The following IRF1 variants were observed in gnomAD, a reference collection of about 807,000 sequenced individuals.
The protein encoded by IRF1 is interferon regulatory factor-1.
A neutral mutation model predicts 43.7 loss-of-function variants in IRF1; 13 were observed. That is an observed-to-expected ratio of 0.30 (90% CI 0.19 to 0.47). The LOEUF (loss-of-function observed/expected upper bound fraction) is 0.47. Among genes scored for constraint, IRF1 ranks in the 20% least tolerant of loss-of-function variants. The probability of loss-of-function intolerance (pLI) is 0.99; values close to 1 mark genes in which losing one functional copy is unlikely to be tolerated. For missense variants in IRF1, 236 were observed against 408.9 expected (o/e 0.58, Z 3.65); for synonymous variants, 138 against 146.8 (o/e 0.94, Z 0.43).
rs780125312 is a variant in IRF1 at position 132,487,998 on chromosome 5, T to A, written c.115A>T (p.Lys39Ter). 1 of 1,613,270 alleles carries A rather than the reference T, an allele frequency of 6.2e-7. No individual in the cohort carries two copies. Among genetic ancestry groups the A allele is most frequent in the Non-Finnish European group, 8.5e-7 (1 of 1,179,730 alleles). The change falls in exon 3 of 10, where the codon AAG becomes TAG. Residue 39 changes from lysine to a stop codon, truncating the protein, a stop_gained. Transcript: ENST00000245414. LOFTEE classifies it high-confidence loss of function. The stretch of plus-strand genomic sequence containing the variant: ...TCCCAGCCATGCTTGGCAGCATGCT[T>A]CCATGGGATCTGGAAGATCATCTCC... ...KEEMIFQIPW[K>*]HAAKHGWDIN...
rs531658161 is a variant in IRF1, at chr5:132,484,584, AGCCAGTATCACACCCTTG to A, written c.718-105_718-88del. ...TGCCCTCAATGAGCCAGCTCCTCTC[AGCCAGTATCACACCCTTG>A]GCCATTTTCACAATCTCAGATAGGA... On this transcript the variant is annotated intron_variant, in intron 8 of 9. Coordinates refer to ENST00000245414, the MANE Select transcript of IRF1 (RefSeq NM_002198.3). 1,193 of 1,535,106 alleles carry A rather than the reference AGCCAGTATCACACCCTTG, an allele frequency of 7.8e-4. 21 individuals are homozygous for A. The South Asian group carries it at 0.013, about 17-fold the overall frequency.
At chr5:132,484,623 T>G in intron 8 of IRF1, 126 bp from the exon 9 acceptor site, 1 of 1,249,720 alleles carries the variant, frequency 8.0e-7, no homozygotes, top group Non-Finnish European at 1.1e-6. Context: ...CAATCTCAGA[T>G]AGGATGCAGA....
chr5:132,483,986 A>G lies in IRF1; in HGVS notation c.943T>C (p.Leu315=), dbSNP rs55746618. 55 of 1,613,784 alleles carry G rather than the reference A, an allele frequency of 3.4e-5. No individual in the cohort carries two copies. The East Asian group carries it at 8.0e-4, about 24-fold the overall frequency. ...CAGGGAATGGCCTGGATGGAGGGCAACCGGACTGGGGTCAGCAGGCTGTCC... is the reference window on the plus strand; with the variant it reads ...CAGGGAATGGCCTGGATGGAGGGCAGCCGGACTGGGGTCAGCAGGCTGTCC... ...WLDSLLTPVR[L]PSIQAIPCAP The change falls in exon 10 of 10, where the codon TTG becomes CTG. Residue 315 remains leucine, a synonymous_variant. Coordinates refer to ENST00000245414, the MANE Select transcript of IRF1 (RefSeq NM_002198.3).
intron 9 of IRF1, 132 bp from the exon 10 acceptor site, chr5:132,484,207 G>A: frequency 1.4e-6 from 2 of 1,454,884 alleles, no homozygotes; most frequent in Non-Finnish European, 1.9e-6. Context: ...TCAGCTTCAG[G>A]CAAACCTTAA....
chr5:132,485,544 G>T, intron 8 of IRF1, 123 bp downstream of exon 8: 1 of 825,668 alleles, frequency 1.2e-6, no homozygotes, highest in South Asian at 1.4e-5. Flanking sequence ...GCACTTGTGG[G>T]ACAATGCAAG....
At chr5:132,484,133 C>A in intron 9 of IRF1, 58 bp from the exon 10 acceptor site, 1 of 1,596,150 alleles carries the variant, frequency 6.3e-7, no homozygotes, top group Non-Finnish European at 8.6e-7. Context: ...AGGTGTGCTT[C>A]CCCCTACCCC....
Position 132,483,674 on chromosome 5 carries a change from C to T in IRF1, c.*277G>A, listed in dbSNP as rs1754445382. On this transcript the variant is annotated 3_prime_UTR_variant, in exon 10 of 10. Transcript: ENST00000245414. Reference sequence around the variant, plus strand: ...GCTGGGCTCAGAGGAAAAAGCCAGACACTGACTCCTGTCCAAGTCCCTGAC... The same window carrying T: ...GCTGGGCTCAGAGGAAAAAGCCAGATACTGACTCCTGTCCAAGTCCCTGAC... 2.7e-6 allele frequency: 1 copy of T among 376,784 alleles called. No individual in the cohort carries two copies. Among genetic ancestry groups the T allele is most frequent in the Non-Finnish European group, 4.9e-6 (1 of 202,802 alleles). 23.3% of individuals were successfully genotyped at this position (376,784 alleles called of 1,614,324 possible). A position where few individuals can be genotyped will look rare whatever the true frequency, so the allele number is the denominator to read the frequency against.
At chr5:132,486,054 C>A in intron 7 of IRF1, 197 bp downstream of exon 7, 2 of 707,408 alleles carry the variant, frequency 2.8e-6, no homozygotes, top group Non-Finnish European at 4.8e-6. Context: ...CACCAGCCCC[C>A]ACTGTACTGC....
At chr5:132,489,361 G>A (rs1366245141) in intron 2 of IRF1, 31 bp downstream of exon 2, 1 of 1,518,708 alleles carries the variant, frequency 6.6e-7, no homozygotes, top group Admixed American at 1.7e-5. Flanking sequence ...GGTTAAAACA[G>A]TGGCAGGAAA....
rs1262907138 is a variant in IRF1, at chr5:132,488,033, A to G, written c.88-8T>C. Reference sequence around the variant, plus strand: ...CTGGAAGATCATCTCCTCCTGAACAATACACACATACACATAAGGCTGTGT... The same window carrying G: ...CTGGAAGATCATCTCCTCCTGAACAGTACACACATACACATAAGGCTGTGT... On this transcript the variant is annotated splice_polypyrimidine_tract_variant and splice_region_variant and intron_variant, in intron 2 of 9. Coordinates refer to ENST00000245414, the MANE Select transcript of IRF1 (RefSeq NM_002198.3). 1.3e-6 allele frequency: 2 copies of G among 1,585,660 alleles called. No homozygotes were observed. The highest frequency in any genetic ancestry group is 1.7e-6 in the Non-Finnish European group (2 of 1,155,322).
chr5:132,488,509 A>G (rs1754605820), intron 2 of IRF1: 1 of 154,434 alleles, frequency 6.5e-6, no homozygotes, highest in Admixed American at 6.4e-5. Flanking sequence ...TAACCCTGGC[A>G]TTGTCACTGT....
At chr5:132,485,380 G>C (rs976624809) in intron 8 of IRF1, 3 of 412,262 alleles carry the variant, frequency 7.3e-6, no homozygotes, top group Non-Finnish European at 9.0e-6. Flanking sequence ...TGGGGCAGAG[G>C]ATGCAGGCCA....
rs1338991764 is a variant in IRF1, at chr5:132,486,751, G to A, written c.414+44C>T. 6.2e-6 allele frequency: 10 copies of A among 1,614,032 alleles called. No individual in the cohort carries two copies. The South Asian group carries it at 9.9e-5, about 16-fold the overall frequency. ...AGCATTTCTTCCACTGCTCACCCTGGCCCACAGGTGACCAAAGGCCTGGCT... is the reference window on the plus strand; with the variant it reads ...AGCATTTCTTCCACTGCTCACCCTGACCCACAGGTGACCAAAGGCCTGGCT... On this transcript the variant is annotated intron_variant, in intron 5 of 9. Transcript: ENST00000245414.
At chr5:132,487,490 T>C (rs913156009) in intron 3 of IRF1, 5 of 356,152 alleles carry the variant, frequency 1.4e-5, no homozygotes, top group Non-Finnish European at 2.6e-5. Flanking sequence ...CAGAGAACAG[T>C]TACTAAATGG....
intron 7 of IRF1, 70 bp from the exon 8 acceptor site, chr5:132,485,786 C>G: frequency 8.8e-7 from 1 of 1,140,598 alleles, no homozygotes; most frequent in Non-Finnish European, 1.3e-6. Context: ...CAGTTCCAGC[C>G]CACCAGATCC....
At chr5:132,487,785 C>G (rs1301556843) in intron 3 of IRF1, 141 bp downstream of exon 3, 8 of 615,570 alleles carry the variant, frequency 1.3e-5, no homozygotes, top group South Asian at 5.6e-5. Flanking sequence ...AAACACAAGT[C>G]TGCCACCAGC....
Position 132,485,659 on chromosome 5 carries a change from G to T in IRF1, c.717+8C>A, listed in dbSNP as rs1580938087. The T allele has an allele frequency of 1.9e-6, 3 of 1,609,238 alleles. No individual in the cohort carries two copies. The highest frequency in any genetic ancestry group is 4.5e-5 in the East Asian group (2 of 44,842). ...CTTCAAGAGTGCCCAGGTAGGAAGG[G>T]GCTTTACCTTCATGATGTCCTCAGG... On this transcript the variant is annotated splice_region_variant and intron_variant, in intron 8 of 9. Coordinates refer to ENST00000245414, the MANE Select transcript of IRF1 (RefSeq NM_002198.3).
At chr5:132,486,708 T>C (rs1454519831) in intron 5 of IRF1, 22 bp from the exon 6 acceptor site, 1 of 1,613,848 alleles carries the variant, frequency 6.2e-7, no homozygotes, top group Non-Finnish European at 8.5e-7. Flanking sequence ...GAAAGCAGCT[T>C]AGGCCCAGGC....
chr5:132,489,518 C>G (rs774762148), intron 1 of IRF1, 35 bp from the exon 2 acceptor site: 2 of 1,572,026 alleles, frequency 1.3e-6, no homozygotes, highest in African/African-American at 1.4e-5. Flanking sequence ...AGTCTGGAAT[C>G]TGTTGAACAG....
Sources: allele counts gnomAD v4.1 joint callset, GRCh38; gene constraint gnomAD v4.1.1; transcripts MANE v1.5; gene names NCBI Gene and HGNC (gene_info 2026-07-23, HGNC 2026-07-21).